The following SORCS3 variants were observed in gnomAD, a reference collection of about 807,000 sequenced individuals.
SORCS3 encodes sortilin related VPS10 domain containing receptor 3.
In SORCS3, 57 loss-of-function variants were observed where a neutral mutation model predicts 146.3. That is an observed-to-expected ratio of 0.39 (90% CI 0.31 to 0.49). The LOEUF is 0.49. Ranked by LOEUF, SORCS3 falls within the 20% of genes least tolerant of loss-of-function variation. The pLI, the probability that SORCS3 is intolerant of heterozygous loss-of-function variation, is 0.92. For missense variants in SORCS3, 1,341 were observed against 1,575.5 expected (o/e 0.85, Z 2.52); for synonymous variants, 653 against 618.5 (o/e 1.06, Z -0.83).
intron 4 of SORCS3, among the ~76,000 whole-genome samples, chr10:105,008,323 G>C (rs984108537): frequency 6.6e-6 from 1 of 152,174 alleles, no homozygotes; most frequent in African/African-American, 2.4e-5. Context: ...ATGAAGGTGT[G>C]CATTTCACTG....
intron 7 of SORCS3, among the ~76,000 whole-genome samples, chr10:105,107,874 A>T (rs896495150): frequency 3.9e-5 from 6 of 152,186 alleles, no homozygotes. Flanking sequence ...GTGGCATTCC[A>T]CACTTAGCTG....
At position 104,929,985 on chromosome 10, in the gene SORCS3, A is replaced by G. The variant is rs531225221; in HGVS notation, c.795+14053A>G. 5.8e-4 allele frequency among the ~76,000 whole-genome samples: 89 copies of G among 152,366 alleles called. 1 individual carries two copies. In the South Asian group the frequency reaches 0.018, roughly 32 times the overall value. On this transcript the variant is annotated intron_variant, in intron 3 of 26. Transcript: ENST00000369701. ...ACAGTGACTGATCCTAAAGAAATGG[A>G]CATGTATGAATTGCCTGACAAAGAA...
At chr10:104,919,428 T>C (rs953583825) in intron 3 of SORCS3, among the ~76,000 whole-genome samples, 1 of 152,046 alleles carries the variant, frequency 6.6e-6, no homozygotes, top group Admixed American at 6.6e-5. Flanking sequence ...CAGTGGCTCA[T>C]GCCTGTAATC....
intron 1 of SORCS3, among the ~76,000 whole-genome samples, chr10:104,800,010 G>A (rs979807572): frequency 5.9e-5 from 9 of 151,986 alleles, no homozygotes. Flanking sequence ...AAAAGAAAAT[G>A]TATGTCTACA....
chr10:104,940,743 C>T (rs956049370), intron 3 of SORCS3, among the ~76,000 whole-genome samples: 6 of 151,822 alleles, frequency 4.0e-5, no homozygotes, highest in African/African-American at 1.5e-4. Context: ...AAAGAGGACA[C>T]AAACAAATGG....
intron 1 of SORCS3, among the ~76,000 whole-genome samples, chr10:104,767,852 G>T (rs2017199829): frequency 7.1e-6 from 1 of 140,478 alleles, no homozygotes. Flanking sequence ...CCTACTCTTG[G>T]TTTTTGATAA....
intron 1 of SORCS3, among the ~76,000 whole-genome samples, chr10:104,751,588 A>T (rs956433097): frequency 3.9e-5 from 6 of 152,124 alleles, no homozygotes; most frequent in African/African-American, 1.4e-4. Context: ...TGAATGAGAG[A>T]TAGCTAAAGC....
At chr10:104,842,686 C>T (rs1349568769) in intron 1 of SORCS3, 106 bp from the exon 2 acceptor site, 5 of 835,872 alleles carry the variant, frequency 6.0e-6, no homozygotes, top group Admixed American at 2.0e-5. Context: ...AAGCCCTCCT[C>T]TGGGTGATAG....
chr10:105,174,707 G>A (rs758337412), intron 13 of SORCS3, among the ~76,000 whole-genome samples: 3 of 152,062 alleles, frequency 2.0e-5, no homozygotes, highest in Non-Finnish European at 4.4e-5. Context: ...CTACCTGGAC[G>A]TTGTTGTTTA....
chr10:105,003,440 T>C (rs1293520752), intron 4 of SORCS3, among the ~76,000 whole-genome samples: 8 of 152,210 alleles, frequency 5.3e-5, no homozygotes, highest in Non-Finnish European at 1.2e-4. Flanking sequence ...TCCTCATCTG[T>C]AATATGGGGA....
chr10:104,712,560 T>TCC (rs2016431211), intron 1 of SORCS3, among the ~76,000 whole-genome samples: 2 of 152,178 alleles, frequency 1.3e-5, no homozygotes, highest in Non-Finnish European at 2.9e-5. Context: ...TAGGATTCCT[T>TCC]TCTTGTCATA....
At chr10:105,238,465 G>A (rs2056805862) in intron 20 of SORCS3, among the ~76,000 whole-genome samples, 1 of 152,176 alleles carries the variant, frequency 6.6e-6, no homozygotes. Flanking sequence ...AAGCTGGCAT[G>A]GAAGGAGCAG....
intron 1 of SORCS3, among the ~76,000 whole-genome samples, chr10:104,796,206 T>A (rs1258363281): frequency 6.6e-6 from 1 of 152,232 alleles, no homozygotes; most frequent in African/African-American, 2.4e-5. Context: ...TTGTTCCGGA[T>A]TTGTGAAAGC....
intron 1 of SORCS3, among the ~76,000 whole-genome samples, chr10:104,662,022 G>T (rs1384798411): frequency 6.6e-6 from 1 of 152,126 alleles, no homozygotes; most frequent in Non-Finnish European, 1.5e-5. Context: ...ATGAGTTGGA[G>T]GTTATTACTA....
chr10:104,721,970 T>C (rs2016555784), intron 1 of SORCS3, among the ~76,000 whole-genome samples: 1 of 152,174 alleles, frequency 6.6e-6, no homozygotes, highest in South Asian at 2.1e-4. Flanking sequence ...ACCCTTTATT[T>C]CCTTCTCCTG....
At chr10:105,072,657 CTCTTTTTTTT>C (rs2055564619) in intron 5 of SORCS3, among the ~76,000 whole-genome samples, 2 of 110,406 alleles carry the variant, frequency 1.8e-5, no homozygotes, top group Non-Finnish European at 1.8e-5. Flanking sequence ...TTCTCTCTCT[CTCTTTTTTTT>C]TTTTTTTTTT....
intron 1 of SORCS3, among the ~76,000 whole-genome samples, chr10:104,817,341 C>T (rs949841015): frequency 3.4e-5 from 5 of 147,326 alleles, no homozygotes; most frequent in Admixed American, 3.4e-4. Context: ...CCTTCCCTGC[C>T]TCCCTCCTCC....
chr10:104,696,964 G>A (rs76271520), intron 1 of SORCS3, among the ~76,000 whole-genome samples: 9 of 150,062 alleles, frequency 6.0e-5, no homozygotes, highest in African/African-American at 2.2e-4. Flanking sequence ...ACCAGGGACT[G>A]GCGGGTGGAG....
At chr10:105,233,994 T>C (rs913676864) in intron 20 of SORCS3, among the ~76,000 whole-genome samples, 1 of 152,176 alleles carries the variant, frequency 6.6e-6, no homozygotes, top group Non-Finnish European at 1.5e-5. Context: ...TCTTTCTTCA[T>C]GTGGTTCAAG....
Sources: allele counts gnomAD v4.1 joint callset (sites outside exome capture counted in the v4.1 genomes callset), GRCh38; gene constraint gnomAD v4.1.1; transcripts MANE v1.5; gene names NCBI Gene and HGNC (gene_info 2026-07-23, HGNC 2026-07-21).